The following RPTOR variants were observed in gnomAD, a reference collection of about 807,000 sequenced individuals.
RPTOR encodes the protein regulatory-associated protein of mTOR.
In RPTOR, 21 loss-of-function variants were observed where a neutral mutation model predicts 169.9. The observed-to-expected ratio is 0.12, with a 90% CI of 0.09 to 0.18. The LOEUF (loss-of-function observed/expected upper bound fraction) is 0.18. Among genes scored for constraint, RPTOR ranks in the 10% least tolerant of loss-of-function variants. The probability of loss-of-function intolerance (pLI) is 1.00; values close to 1 mark genes in which losing one functional copy is unlikely to be tolerated. For missense variants in RPTOR, 1,133 were observed against 1,855.9 expected, an observed-to-expected ratio of 0.61 and a Z score of 7.16; for synonymous variants, 732 against 753.2, an observed-to-expected ratio of 0.97 and a Z score of 0.46.
intron 4 of RPTOR, among the ~76,000 whole-genome samples, chr17:80,724,562 G>A (rs1439095101): frequency 6.9e-6 from 1 of 145,294 alleles, no homozygotes; most frequent in Non-Finnish European, 1.5e-5. Context: ...GCTATCCACA[G>A]AGATGCTTGC....
intron 3 of RPTOR, among the ~76,000 whole-genome samples, chr17:80,670,453 G>T (rs1056826741): frequency 6.6e-6 from 1 of 152,162 alleles, no homozygotes; most frequent in Non-Finnish European, 1.5e-5. Flanking sequence ...GAGCGTTGCT[G>T]TCAGCACTCG....
intron 28 of RPTOR, among the ~76,000 whole-genome samples, chr17:80,953,054 G>A (rs939475901): frequency 3.3e-5 from 5 of 151,716 alleles, no homozygotes; most frequent in South Asian, 4.2e-4. Context: ...TAGTAGAGAT[G>A]GGGTTTCACC....
chr17:80,932,558 G>A (rs1408438955), intron 24 of RPTOR, among the ~76,000 whole-genome samples: 1 of 152,124 alleles, frequency 6.6e-6, no homozygotes, highest in African/African-American at 2.4e-5. Flanking sequence ...CAGAGAGTTG[G>A]ACACTAAGAA....
In RPTOR at chr17:80,734,852, A is replaced by G. The variant is rs147347501; in HGVS notation, c.654+4146A>G. Among the ~76,000 whole-genome samples, 526 of 152,288 alleles carry G rather than the reference A, an allele frequency of 3.5e-3. 6 individuals are homozygous for G. Among genetic ancestry groups the G allele is most frequent in the African/African-American group, 0.012 (504 of 41,548 alleles). ...GTACTGGACATGTACACTTCTTCTC[A>G]CCATTGTTCCCTAAACAATATAGTA... On this transcript the variant is annotated intron_variant, in intron 5 of 33. Coordinates refer to ENST00000306801, the MANE Select transcript of RPTOR (RefSeq NM_020761.3).
At chr17:80,812,924 C>T (rs749556587) in intron 7 of RPTOR, among the ~76,000 whole-genome samples, 2 of 152,196 alleles carry the variant, frequency 1.3e-5, no homozygotes, top group African/African-American at 2.4e-5. Context: ...CGTGAGGGTC[C>T]GCAGGCACAG....
intron 13 of RPTOR, among the ~76,000 whole-genome samples, chr17:80,864,021 C>T (rs555882917): frequency 6.7e-4 from 102 of 152,216 alleles, no homozygotes; most frequent in African/African-American, 2.0e-3. Flanking sequence ...TGCGGGACAA[C>T]GGCAAGTGAC....
intron 3 of RPTOR, among the ~76,000 whole-genome samples, chr17:80,697,154 T>C (rs1165674893): frequency 6.6e-6 from 1 of 151,724 alleles, no homozygotes; most frequent in Non-Finnish European, 1.5e-5. Flanking sequence ...GAAAGAGCTT[T>C]CTGCAGAGAG....
At chr17:80,786,345 TAGG>T (rs1454792963) in intron 6 of RPTOR, among the ~76,000 whole-genome samples, 1 of 152,170 alleles carries the variant, frequency 6.6e-6, no homozygotes, top group African/African-American at 2.4e-5. Flanking sequence ...TTTTTTTAAT[TAGG>T]AGGAAACAAA....
intron 20 of RPTOR, among the ~76,000 whole-genome samples, chr17:80,908,353 G>T (rs1426208864): frequency 6.6e-6 from 1 of 152,182 alleles, no homozygotes; most frequent in East Asian, 1.9e-4. Context: ...CAGGAAGCAC[G>T]TGGAGGTGGG....
chr17:80,703,708 G>GGAGGAGCCTC (rs2066120439), intron 3 of RPTOR, among the ~76,000 whole-genome samples: 1 of 152,204 alleles, frequency 6.6e-6, no homozygotes, highest in African/African-American at 2.4e-5. Context: ...CAGTACTGCC[G>GGAGGAGCCTC]GAGGAGCCTC....
At chr17:80,555,964 G>A (rs1303606312) in intron 1 of RPTOR, among the ~76,000 whole-genome samples, 1 of 152,136 alleles carries the variant, frequency 6.6e-6, no homozygotes, top group African/African-American at 2.4e-5. Context: ...TGGGCGTGGT[G>A]GCTCACATTT....
At chr17:80,556,370 A>C (rs960339828) in intron 1 of RPTOR, among the ~76,000 whole-genome samples, 1 of 152,128 alleles carries the variant, frequency 6.6e-6, no homozygotes, top group Non-Finnish European at 1.5e-5. Flanking sequence ...AATAAGCCGG[A>C]CATGGTGGTG....
intron 13 of RPTOR, among the ~76,000 whole-genome samples, chr17:80,873,436 TAA>T (rs2068072863): frequency 6.6e-6 from 1 of 152,204 alleles, no homozygotes; most frequent in South Asian, 2.1e-4. Flanking sequence ...CTGGGACTAA[TAA>T]AGACTAATAA....
chr17:80,635,172 G>A lies in RPTOR; in HGVS notation c.266-8556G>A, dbSNP rs80196245. On this transcript the variant is annotated intron_variant, in intron 2 of 33. Coordinates refer to ENST00000306801, the MANE Select transcript of RPTOR (RefSeq NM_020761.3). ...GCCATTGCTGCTCCTCTCAGACCCG[G>A]TTATCCTTTGCCATTTCACCCCAAT... Among the ~76,000 whole-genome samples the A allele has an allele frequency of 1.2e-3, 189 of 152,210 alleles. 3 individuals carry two copies. The East Asian group carries it at 0.031, about 25-fold the overall frequency.
At position 80,959,945 on chromosome 17, in the gene RPTOR, G is replaced by A; in HGVS notation, c.3478-133G>A. On this transcript the variant is annotated intron_variant, in intron 29 of 33. Coordinates refer to ENST00000306801, the MANE Select transcript of RPTOR (RefSeq NM_020761.3). This position sits in a 1 kb window ranked among gnomAD's most constrained non-coding sequence, Gnocchi z 6.7. Reference sequence around the variant, plus strand: ...CCTTTGATGCTTCCCTGGATAGAGAGAAAGGCCCCTGCAGCCAGGGAGGGT... The same window carrying A: ...CCTTTGATGCTTCCCTGGATAGAGAAAAAGGCCCCTGCAGCCAGGGAGGGT... The A allele has an allele frequency of 1.8e-6, 2 of 1,093,024 alleles. No homozygotes were observed. The highest frequency in any genetic ancestry group is 2.7e-6 in the Non-Finnish European group (2 of 754,484). 67.7% of individuals were successfully genotyped at this position (1,093,024 alleles called of 1,614,324 possible).
chr17:80,881,692 A>C (rs1337951409), intron 14 of RPTOR, among the ~76,000 whole-genome samples: 1 of 152,232 alleles, frequency 6.6e-6, no homozygotes, highest in Non-Finnish European at 1.5e-5. Flanking sequence ...GTTGTGGCAC[A>C]CGCCTGTGGT....
chr17:80,924,738 C>T (rs148069196), intron 23 of RPTOR, among the ~76,000 whole-genome samples: 33 of 152,306 alleles, frequency 2.2e-4, no homozygotes, highest in African/African-American at 7.2e-4. Flanking sequence ...CAAGACACAG[C>T]GTGAGAGACG....
chr17:80,596,697 T>C (rs2065146875), intron 1 of RPTOR, among the ~76,000 whole-genome samples: 1 of 152,204 alleles, frequency 6.6e-6, no homozygotes, highest in South Asian at 2.1e-4. Flanking sequence ...TTAATTTTGA[T>C]GATGTCAATA....
In RPTOR at chr17:80,707,698, G is replaced by T; in HGVS notation, c.349-143G>T. On this transcript the variant is annotated intron_variant, in intron 3 of 33. Transcript: ENST00000306801. The surrounding 1 kb of genome is among the most constrained non-coding windows in gnomAD (Gnocchi z 5.0). Reference sequence around the variant, plus strand: ...TGAGCCAGGGTGCCTGGCATTACCTGGTTTTATAGATGGAGAAACTCAGAG... The same window carrying T: ...TGAGCCAGGGTGCCTGGCATTACCTTGTTTTATAGATGGAGAAACTCAGAG... 1.3e-6 allele frequency: 1 copy of T among 759,454 alleles called. No homozygotes were observed. The highest frequency in any genetic ancestry group is 2.0e-6 in the Non-Finnish European group (1 of 507,564). 47.0% of individuals were successfully genotyped at this position (759,454 alleles called of 1,614,324 possible).
Sources: allele counts gnomAD v4.1 joint callset (sites outside exome capture counted in the v4.1 genomes callset), GRCh38; gene constraint gnomAD v4.1.1; non-coding constraint Gnocchi (gnomAD v3.1); transcripts MANE v1.5; gene names NCBI Gene and HGNC (gene_info 2026-07-23, HGNC 2026-07-21).